CCDC68: variants seen among roughly 807,000 people sequenced by gnomAD.
CCDC68 encodes the protein coiled-coil domain containing 68.
Under a neutral mutation model 47.1 loss-of-function variants are expected in CCDC68, and 45 were observed. That is an observed-to-expected ratio of 0.96 (90% confidence interval 0.75 to 1.23). The LOEUF (loss-of-function observed/expected upper bound fraction) is 1.23. Among genes scored for constraint, CCDC68 ranks in the 50% most tolerant of loss-of-function variants. CCDC68 has a pLI of 0.00. For synonymous variants in CCDC68, 131 were observed against 129.5 expected (o/e 1.01, Z -0.08); for missense variants, 353 against 373.6 (o/e 0.94, Z 0.45).
intron 10 of CCDC68, among the ~76,000 whole-genome samples, chr18:54,913,687 C>T (rs1272940891): frequency 2.0e-5 from 3 of 151,914 alleles, no homozygotes; most frequent in African/African-American, 7.3e-5. Context: ...GTGGTGTGCG[C>T]CTGTATTCCC....
chr18:54,942,127 A>C (rs1258027658), intron 3 of CCDC68, among the ~76,000 whole-genome samples: 2 of 152,218 alleles, frequency 1.3e-5, no homozygotes, highest in Non-Finnish European at 2.9e-5. Flanking sequence ...TGCTTAACAC[A>C]TGTCTGTTGT....
At chr18:54,909,022 T>G (rs1198149686) in intron 10 of CCDC68, among the ~76,000 whole-genome samples, 3 of 152,178 alleles carry the variant, frequency 2.0e-5, no homozygotes, top group African/African-American at 7.2e-5. Context: ...AAGTACCATT[T>G]TTATAACTAT....
chr18:54,906,585 A>G (rs1914021412), intron 11 of CCDC68, among the ~76,000 whole-genome samples: 1 of 152,052 alleles, frequency 6.6e-6, no homozygotes, highest in South Asian at 2.1e-4. Flanking sequence ...TCACCATCCC[A>G]ATGGGAATGG....
rs1199454732 is a variant in CCDC68 at position 54,934,948 on chromosome 18, C to A, written c.472G>T (p.Val158Phe). ...TTCTGTTCTTTTTCAAGCTTGTTAACCTATGGTCAGAGAATCAGTTGTGTT... is the reference window on the plus strand; with the variant it reads ...TTCTGTTCTTTTTCAAGCTTGTTAAACTATGGTCAGAGAATCAGTTGTGTT... ...KQEDSKQLLQ[V>F]NKLEKEQKLK... The change falls in exon 7 of 12, where the codon GTT (valine) becomes TTT (phenylalanine). Residue 158 changes from valine to phenylalanine, a missense_variant and splice_region_variant. Val to Phe is a conservative substitution (Grantham distance 50). Coordinates refer to ENST00000591504, the MANE Select transcript of CCDC68 (RefSeq NM_025214.3). 1.2e-5 allele frequency: 19 copies of A among 1,581,178 alleles called. No homozygotes were observed. The East Asian group carries it at 4.4e-4, about 37-fold the overall frequency.
chr18:54,958,445 C>T (rs1323723995), intron 1 of CCDC68, among the ~76,000 whole-genome samples: 1 of 152,168 alleles, frequency 6.6e-6, no homozygotes. Flanking sequence ...CAGATTATCT[C>T]CTCCCTATCA....
In CCDC68 at chr18:54,936,900, A is replaced by G. The variant is rs1267163846; in HGVS notation, c.404T>C (p.Phe135Ser). The stretch of plus-strand genomic sequence containing the variant: ...TTCAGATTGCGTTTGGTAGTTTTCA[A>G]ATAATCTCTGGGCCACGTTTCTCAG... ...AALRNVAQRLFENYQTQSEEV... is the reference protein window; with the variant it reads ...AALRNVAQRLSENYQTQSEEV... Residue 135 changes from phenylalanine to serine, a missense_variant, in exon 6 of 12, where the codon TTT (phenylalanine) becomes TCT (serine). Physicochemically the swap from Phe to Ser is radical, Grantham distance 155. Transcript: ENST00000591504. The G allele has an allele frequency of 6.8e-6, 11 of 1,614,022 alleles. No individual in the cohort carries two copies. Among genetic ancestry groups the G allele is most frequent in the African/African-American group, 1.3e-5 (1 of 74,920 alleles).
intron 10 of CCDC68, among the ~76,000 whole-genome samples, chr18:54,912,780 T>C (rs902178280): frequency 6.6e-6 from 1 of 151,978 alleles, no homozygotes; most frequent in African/African-American, 2.4e-5. Context: ...GGCCTCACAA[T>C]CATGGCAGAA....
At chr18:54,925,963 T>G (rs1453510456) in intron 8 of CCDC68, among the ~76,000 whole-genome samples, 6 of 152,186 alleles carry the variant, frequency 3.9e-5, no homozygotes, top group African/African-American at 1.4e-4. Flanking sequence ...AATTCTTCTT[T>G]ATTATTATTT....
rs763151584 is a variant in CCDC68 at position 54,941,093 on chromosome 18, G to GA, written c.118-11dup. On this transcript the variant is annotated splice_polypyrimidine_tract_variant and intron_variant, in intron 3 of 11. Transcript: ENST00000591504. ...GCAGAGTAGTTCGAATCTAGAGAAG[G>GA]AAAACAAAACCATTTGTTTCAAAGG... 2,271 of 1,494,080 alleles carry GA rather than the reference G, an allele frequency of 1.5e-3. 3 individuals carry two copies. Among genetic ancestry groups the GA allele is most frequent in the African/African-American group, 4.6e-3 (329 of 71,330 alleles). The allele number at this position is 1,494,080 out of a possible 1,614,324, so 92.6% of individuals were successfully genotyped here. A position where few individuals can be genotyped will look rare whatever the true frequency, so the allele number is the denominator to read the frequency against.
rs529087894 is a variant in CCDC68, at chr18:54,937,779, A to G, written c.345+178T>C. 8 of 479,722 alleles carry G rather than the reference A, an allele frequency of 1.7e-5. No homozygotes were observed. The South Asian group carries it at 2.7e-4, about 16-fold the overall frequency. The allele number at this position is 479,722 out of a possible 1,614,324, so 29.7% of individuals were successfully genotyped here. A position where few individuals can be genotyped will look rare whatever the true frequency, so the allele number is the denominator to read the frequency against. On this transcript the variant is annotated intron_variant, in intron 5 of 11. Transcript: ENST00000591504. ...AATAACAAAAGAAGCCTCAAAAATA[A>G]AACAGTGAGATATGATTTGTGAAAT...
intron 7 of CCDC68, among the ~76,000 whole-genome samples, chr18:54,932,011 T>C (rs2044272815): frequency 6.6e-6 from 1 of 152,110 alleles, no homozygotes; most frequent in African/African-American, 2.4e-5. Context: ...TTCCTATTAA[T>C]ACAAAAGGCC....
At chr18:54,927,873 G>C (rs903725796) in intron 8 of CCDC68, among the ~76,000 whole-genome samples, 1 of 152,150 alleles carries the variant, frequency 6.6e-6, no homozygotes, top group Non-Finnish European at 1.5e-5. Context: ...CAACATATGA[G>C]GACAGGTGGG....
intron 11 of CCDC68, among the ~76,000 whole-genome samples, chr18:54,907,277 G>A (rs1914067332): frequency 6.6e-6 from 1 of 152,086 alleles, no homozygotes; most frequent in African/African-American, 2.4e-5. Flanking sequence ...CATCATCATC[G>A]CTTGAAATCA....
At chr18:54,912,280 A>G (rs1351607844) in intron 10 of CCDC68, among the ~76,000 whole-genome samples, 1 of 152,212 alleles carries the variant, frequency 6.6e-6, no homozygotes, top group Non-Finnish European at 1.5e-5. Flanking sequence ...AATTAAGATG[A>G]TGAAAGATAT....
rs148747237 is a variant in CCDC68, at chr18:54,919,359, C to T, written c.701G>A (p.Arg234Lys). 9.3e-6 allele frequency: 15 copies of T among 1,613,218 alleles called. No individual in the cohort carries two copies. Among genetic ancestry groups the T allele is most frequent in the Middle Eastern group, 3.3e-4 (2 of 6,058 alleles). Residue 234 changes from arginine (R) to lysine (K), a missense_variant, in exon 9 of 12, where the codon AGG becomes AAG. Physicochemically the swap from Arg to Lys is conservative, Grantham distance 26 (BLOSUM62 2). Transcript: ENST00000591504. ...CTGCTCCTGGAGAATGGAAATCTCC[C>T]TCTGAAGATCCTGGCAACTGGGAAT... Reference protein sequence around the residue: ...TYGKSCQDLQREISILQEQIS... With the variant: ...TYGKSCQDLQKEISILQEQIS...
chr18:54,936,321 CTT>C lies in CCDC68; in HGVS notation c.471+510_471+511del, dbSNP rs1380471117. Among the ~76,000 whole-genome samples the C allele has an allele frequency of 1.2e-3, 178 of 143,160 alleles. 1 individual carries two copies. In the Middle Eastern group the frequency reaches 0.013, roughly 11 times the overall value. 93.9% of individuals were successfully genotyped at this position (143,160 alleles called of 152,430 possible). ...AAATATAAATATATAAAATATATAA[CTT>C]TATATATTATTTAAAAATATATAGA... On this transcript the variant is annotated intron_variant, in intron 6 of 11. Transcript: ENST00000591504.
Position 54,936,916 on chromosome 18 carries a change from C to T in CCDC68, c.388G>A (p.Val130Met), listed in dbSNP as rs774253868. Residue 130 changes from valine to methionine, a missense_variant, in exon 6 of 12, where the codon GTG (valine) becomes ATG (methionine). Transcript: ENST00000591504. Reference sequence around the variant, plus strand: ...TAGTTTTCAAATAATCTCTGGGCCACGTTTCTCAGAGCTGCTGCTCCTGCT... The same window carrying T: ...TAGTTTTCAAATAATCTCTGGGCCATGTTTCTCAGAGCTGCTGCTCCTGCT... ...REAGAAALRN[V>M]AQRLFENYQT... The T allele has an allele frequency of 1.7e-5, 27 of 1,614,114 alleles. No individual in the cohort carries two copies. Among genetic ancestry groups the T allele is most frequent in the South Asian group, 1.3e-4 (12 of 91,076 alleles).
chr18:54,956,829 T>C (rs1035544507), intron 1 of CCDC68, among the ~76,000 whole-genome samples: 5 of 152,188 alleles, frequency 3.3e-5, no homozygotes, highest in African/African-American at 1.2e-4. Flanking sequence ...TGGATTGTGC[T>C]AATGGTTGCA....
At chr18:54,948,063 A>T (rs1357359970) in intron 1 of CCDC68, among the ~76,000 whole-genome samples, 1 of 152,246 alleles carries the variant, frequency 6.6e-6, no homozygotes, top group Non-Finnish European at 1.5e-5. Flanking sequence ...GCAGTACTAC[A>T]CAATAAACAC....
Sources: allele counts gnomAD v4.1 joint callset (sites outside exome capture counted in the v4.1 genomes callset), GRCh38; gene constraint gnomAD v4.1.1; transcripts MANE v1.5; gene names NCBI Gene and HGNC (gene_info 2026-07-23, HGNC 2026-07-21).